Variants in TMTC2 observed in about 807,000 individuals in gnomAD.
The protein encoded by TMTC2 is protein O-mannosyl-transferase TMTC2.
A neutral mutation model predicts 82.4 loss-of-function variants in TMTC2; 43 were observed. The observed-to-expected ratio is 0.52, with a 90% CI of 0.41 to 0.67. The LOEUF (loss-of-function observed/expected upper bound fraction) is 0.67. TMTC2 is among the 30% of genes least tolerant of loss of function. The pLI is 0.00. For synonymous variants in TMTC2, 408 were observed against 381.9 expected, an observed-to-expected ratio of 1.07 and a Z score of -0.80; for missense variants, 919 against 1,012.4, an observed-to-expected ratio of 0.91 and a Z score of 1.25.
chr12:83,091,151 CT>C (rs144762682), intron 11 of TMTC2, among the ~76,000 whole-genome samples: 3,675 of 152,234 alleles, frequency 0.024, 144 homozygotes, highest in African/African-American at 0.084. Flanking sequence ...CCCAAATCCC[CT>C]TCTTTAACTC....
chr12:82,860,892 A>G (rs1334728397), intron 2 of TMTC2, among the ~76,000 whole-genome samples: 2 of 152,234 alleles, frequency 1.3e-5, no homozygotes, highest in East Asian at 3.9e-4. Context: ...TAGAATCCAT[A>G]TGAAAGTTAT....
intron 11 of TMTC2, among the ~76,000 whole-genome samples, chr12:83,109,882 T>C (rs1163173287): frequency 6.6e-6 from 1 of 152,224 alleles, no homozygotes; most frequent in Non-Finnish European, 1.5e-5. Context: ...TTCTTTATTT[T>C]ATGGATTTAA....
intron 3 of TMTC2, among the ~76,000 whole-genome samples, chr12:82,897,770 C>T (rs1158154996): frequency 3.3e-5 from 5 of 152,128 alleles, no homozygotes; most frequent in African/African-American, 9.7e-5. Context: ...GGTGATCTGC[C>T]TGCCTTGGCC....
At chr12:82,779,219 A>G (rs1199624127) in intron 1 of TMTC2, among the ~76,000 whole-genome samples, 1 of 151,936 alleles carries the variant, frequency 6.6e-6, no homozygotes, top group Non-Finnish European at 1.5e-5. Flanking sequence ...AGCGTGTGCT[A>G]GGTGATGATA....
intron 1 of TMTC2, among the ~76,000 whole-genome samples, chr12:82,799,196 A>G (rs1277336780): frequency 1.3e-5 from 2 of 152,070 alleles, no homozygotes; most frequent in Non-Finnish European, 2.9e-5. Context: ...TCAGTGTTGA[A>G]AAATGTACTC....
chr12:83,037,512 A>T lies in TMTC2; in HGVS notation c.2152+6633A>T, dbSNP rs181783850. Among the ~76,000 whole-genome samples, 441 of 152,266 alleles carry T rather than the reference A, an allele frequency of 2.9e-3. 3 individuals are homozygous for T. Among genetic ancestry groups the T allele is most frequent in the African/African-American group, 9.9e-3 (412 of 41,568 alleles). Reference sequence around the variant, plus strand: ...TACTTAAGACCAAACCATGTTTTTTAAAAAAATCAATGTTTAGTGTCCCTT... The same window carrying T: ...TACTTAAGACCAAACCATGTTTTTTTAAAAAATCAATGTTTAGTGTCCCTT... On this transcript the variant is annotated intron_variant, in intron 9 of 11. Transcript: ENST00000321196.
chr12:82,970,297 T>TA (rs1878390737), intron 7 of TMTC2, among the ~76,000 whole-genome samples: 1 of 152,264 alleles, frequency 6.6e-6, no homozygotes, highest in Non-Finnish European at 1.5e-5. Flanking sequence ...AAGTGTTTTA[T>TA]AACGGGACTT....
chr12:82,921,388 A>T (rs1392302220), intron 3 of TMTC2, among the ~76,000 whole-genome samples: 1 of 152,196 alleles, frequency 6.6e-6, no homozygotes, highest in Non-Finnish European at 1.5e-5. Flanking sequence ...AAATGTTTGT[A>T]TTAGTTTAAA....
chr12:83,048,196 G>A lies in TMTC2; in HGVS notation c.2153-2708G>A, dbSNP rs1882214140. On this transcript the variant is annotated intron_variant, in intron 9 of 11. Transcript: ENST00000321196. ...TAATAACTATAACTGACTGAAGGAT[G>A]GGGTTAGCCTGGCAATCTTTATGAA... is the stretch of plus-strand genomic sequence containing the variant. 2.6e-5 allele frequency among the ~76,000 whole-genome samples: 4 copies of A among 152,256 alleles called. No homozygotes were observed. In the South Asian group the frequency reaches 8.3e-4, roughly 32 times the overall value.
chr12:82,750,166 A>G (rs1400253515), intron 1 of TMTC2, among the ~76,000 whole-genome samples: 1 of 151,752 alleles, frequency 6.6e-6, no homozygotes, highest in African/African-American at 2.4e-5. Context: ...TTTTTTTCTC[A>G]TTCCTTTAAT....
intron 10 of TMTC2, among the ~76,000 whole-genome samples, chr12:83,052,705 A>T (rs1882396723): frequency 6.6e-6 from 1 of 152,154 alleles, no homozygotes; most frequent in South Asian, 2.1e-4. Flanking sequence ...ACCAATAGAA[A>T]CCCATTATAA....
intron 1 of TMTC2, among the ~76,000 whole-genome samples, chr12:82,740,655 T>C (rs1850047731): frequency 6.6e-6 from 1 of 152,214 alleles, no homozygotes; most frequent in Admixed American, 6.5e-5. Context: ...TGCCTTTCCC[T>C]CTGGCTAACA....
chr12:82,754,035 G>A (rs1391912639), intron 1 of TMTC2, among the ~76,000 whole-genome samples: 1 of 152,184 alleles, frequency 6.6e-6, no homozygotes, highest in Non-Finnish European at 1.5e-5. Context: ...AGAATCAGGA[G>A]ATTGAGATTT....
chr12:83,045,707 T>TCTCACACACACACACACACACACACA (rs1555208196), intron 9 of TMTC2, among the ~76,000 whole-genome samples: 4 of 122,706 alleles, frequency 3.3e-5, no homozygotes, highest in Non-Finnish European at 5.0e-5. Context: ...AAGGGCTCCT[T>TCTCACACACACACACACACACACACA]CACACACACA....
chr12:82,906,801 A>C (rs1348292824), intron 3 of TMTC2, among the ~76,000 whole-genome samples: 2 of 152,202 alleles, frequency 1.3e-5, no homozygotes, highest in Non-Finnish European at 2.9e-5. Flanking sequence ...GTGCTGTAAA[A>C]CACAGCTTTT....
At chr12:83,028,616 C>G (rs556663934) in intron 8 of TMTC2, among the ~76,000 whole-genome samples, 1 of 152,114 alleles carries the variant, frequency 6.6e-6, no homozygotes, top group Non-Finnish European at 1.5e-5. Context: ...ATCACATGCT[C>G]TGCCTGTCCT....
rs536370273 is a variant in TMTC2 at position 82,828,229 on chromosome 12, T to C, written c.84-28781T>C. ...TCTTTGGCTTTTTTTTTTTTTTTTT[T>C]TTCTGAGGCAGTCTCACTCTGTCAC... On this transcript the variant is annotated intron_variant, in intron 1 of 11. Coordinates refer to ENST00000321196, the MANE Select transcript of TMTC2 (RefSeq NM_152588.3). 4.6e-3 allele frequency among the ~76,000 whole-genome samples: 685 copies of C among 149,414 alleles called. 8 individuals carry two copies. The highest frequency in any genetic ancestry group is 0.016 in the African/African-American group (652 of 40,408).
chr12:82,733,715 A>C (rs1360893447), intron 1 of TMTC2, among the ~76,000 whole-genome samples: 1 of 152,242 alleles, frequency 6.6e-6, no homozygotes, highest in Non-Finnish European at 1.5e-5. Flanking sequence ...GAAGTAAGGT[A>C]CGTGGTGACA....
At chr12:82,827,112 G>T (rs925642299) in intron 1 of TMTC2, among the ~76,000 whole-genome samples, 4 of 152,082 alleles carry the variant, frequency 2.6e-5, no homozygotes, top group Non-Finnish European at 5.9e-5. Flanking sequence ...ATATGGGTAG[G>T]TCTAATATAA....
Sources: allele counts gnomAD v4.1 joint callset (sites outside exome capture counted in the v4.1 genomes callset), GRCh38; gene constraint gnomAD v4.1.1; transcripts MANE v1.5; gene names NCBI Gene and HGNC (gene_info 2026-07-23, HGNC 2026-07-21).